VCPIP1: variants seen among roughly 807,000 people sequenced by gnomAD.
The protein encoded by VCPIP1 is deubiquitinating protein VCPIP1.
A neutral mutation model predicts 85.0 loss-of-function variants in VCPIP1; 8 were observed. The ratio of observed to expected loss-of-function variants is 0.09; its 90% CI spans 0.06 to 0.17. The LOEUF (loss-of-function observed/expected upper bound fraction) is 0.17, where lower values mean the gene tolerates loss of function less well. Ranked by LOEUF, VCPIP1 falls within the 10% of genes least tolerant of loss-of-function variation. The pLI, the probability that VCPIP1 is intolerant of heterozygous loss-of-function variation, is 1.00. For missense variants in VCPIP1, 1,070 were observed against 1,486.3 expected (o/e 0.72, Z 4.61); for synonymous variants, 543 against 544.5 (o/e 1.00, Z 0.04).
chr8:66,664,978 C>T lies in VCPIP1; in HGVS notation c.1981G>A (p.Asp661Asn), dbSNP rs182445396. 1.9e-5 allele frequency: 31 copies of T among 1,613,428 alleles called. No homozygotes were observed. In the East Asian group the frequency reaches 6.0e-4, roughly 31 times the overall value. ...TCTATATTTACAGGAGTATAATCAT[C>T]GGGATTCTTTTTGGCAGTCTGATGC... ...ILHQTAKKNP[D>N]DYTPVNIDGA... The change falls in exon 1 of 3, where the codon GAT (aspartate) becomes AAT (asparagine). Residue 661 changes from aspartate (D) to asparagine (N), a missense_variant. Physicochemically the swap from Asp to Asn is conservative, Grantham distance 23. Coordinates refer to ENST00000310421, the MANE Select transcript of VCPIP1 (RefSeq NM_025054.5).
chr8:66,660,498 C>A (rs546478849), intron 1 of VCPIP1, among the ~76,000 whole-genome samples: 2 of 152,164 alleles, frequency 1.3e-5, no homozygotes, highest in African/African-American at 2.4e-5. Flanking sequence ...TAAACTTAAA[C>A]GAGAAAGAAC....
At position 66,651,100 on chromosome 8, in the gene VCPIP1, G is replaced by A. The variant is rs556371886; in HGVS notation, c.2797+358C>T. Among the ~76,000 whole-genome samples, 4 of 149,164 alleles carry A rather than the reference G, an allele frequency of 2.7e-5. No individual in the cohort carries two copies. The East Asian group carries it at 7.9e-4, about 30-fold the overall frequency. On this transcript the variant is annotated intron_variant, in intron 2 of 2. Transcript: ENST00000310421. ...CTCGAGAAGCTGAGGCAGGAGAATC[G>A]CTTGAACCCAGGAGGCAGAGGTTGC...
Position 66,634,844 on chromosome 8 carries a change from A to C in VCPIP1, c.3326T>G (p.Leu1109Trp), listed in dbSNP as rs1187638095. The C allele has an allele frequency of 6.2e-7, 1 of 1,614,154 alleles. No individual in the cohort carries two copies. Among genetic ancestry groups the C allele is most frequent in the South Asian group, 1.1e-5 (1 of 91,078 alleles). Residue 1109 changes from leucine to tryptophan, a missense_variant, in exon 3 of 3, where the codon TTG becomes TGG. By Grantham distance (61) the Leu-to-Trp change is moderately conservative (BLOSUM62 -2). This residue lies in a region of VCPIP1 where 255 missense variants were observed against 289.5 expected (regional missense o/e 0.88). Transcript: ENST00000310421. ...PDLVEAQRKKLQEMVSSIQAS... is the reference protein window; with the variant it reads ...PDLVEAQRKKWQEMVSSIQAS... ...CTGAATAGAAGAAACCATTTCCTGC[A>C]ATTTTTTTCGCTGGGCCTCAACCAA...
chr8:66,659,199 ATT>A (rs34749864), intron 1 of VCPIP1, among the ~76,000 whole-genome samples: 15 of 144,890 alleles, frequency 1.0e-4, no homozygotes, highest in African/African-American at 2.3e-4. Flanking sequence ...TCTACAAGAA[ATT>A]TTTTTTTTTT....
intron 1 of VCPIP1, 26 bp downstream of exon 1, chr8:66,664,223 T>A: frequency 1.3e-6 from 2 of 1,520,662 alleles, no homozygotes; most frequent in Non-Finnish European, 1.8e-6. Context: ...AATTAAGATA[T>A]ACCATCAGAA....
chr8:66,652,373 G>C (rs1328849472), intron 1 of VCPIP1, among the ~76,000 whole-genome samples: 1 of 152,116 alleles, frequency 6.6e-6, no homozygotes, highest in Non-Finnish European at 1.5e-5. Context: ...CAGCACTTTG[G>C]GAGGCCCAGG....
chr8:66,658,999 A>C (rs1811127831), intron 1 of VCPIP1, among the ~76,000 whole-genome samples: 1 of 152,184 alleles, frequency 6.6e-6, no homozygotes, highest in Non-Finnish European at 1.5e-5. Context: ...ATTTCATTTA[A>C]GTAACTCCAA....
intron 1 of VCPIP1, among the ~76,000 whole-genome samples, chr8:66,661,254 T>C (rs1364061017): frequency 6.6e-6 from 1 of 152,072 alleles, no homozygotes; most frequent in Admixed American, 6.5e-5. Context: ...TTTAAAGAAA[T>C]TTGTGGGTTT....
intron 2 of VCPIP1, among the ~76,000 whole-genome samples, chr8:66,644,577 C>A (rs1057307163): frequency 1.3e-5 from 2 of 152,144 alleles, no homozygotes; most frequent in South Asian, 2.1e-4. Context: ...GAAAAACCTG[C>A]AAGCTGAATG....
At chr8:66,641,070 G>A (rs1359708456) in intron 2 of VCPIP1, among the ~76,000 whole-genome samples, 4 of 152,154 alleles carry the variant, frequency 2.6e-5, no homozygotes, top group South Asian at 2.1e-4. Flanking sequence ...CTGCAGGGCC[G>A]CACAGAGTTC....
At chr8:66,640,519 C>T (rs571804580) in intron 2 of VCPIP1, among the ~76,000 whole-genome samples, 9 of 152,316 alleles carry the variant, frequency 5.9e-5, no homozygotes, top group East Asian at 1.9e-4. Flanking sequence ...AGCCTGGACC[C>T]GCGGCCCAAA....
intron 1 of VCPIP1, among the ~76,000 whole-genome samples, chr8:66,653,921 T>G (rs1811075657): frequency 6.6e-6 from 1 of 152,196 alleles, no homozygotes; most frequent in Non-Finnish European, 1.5e-5. Flanking sequence ...AACAAATTTT[T>G]ACCCCCTTCA....
Position 66,634,282 on chromosome 8 carries a change from A to C in VCPIP1, c.*219T>G. 2.4e-6 allele frequency: 1 copy of C among 425,038 alleles called. No individual in the cohort carries two copies. 26.3% of individuals were successfully genotyped at this position (425,038 alleles called of 1,614,324 possible). A position where few individuals can be genotyped will look rare whatever the true frequency, so the allele number is the denominator to read the frequency against. Reference sequence around the variant, plus strand: ...ATATGGAAGAAAGTCATCTCAGCAGATCTAACAGCTAATTTATAGAAATTC... The same window carrying C: ...ATATGGAAGAAAGTCATCTCAGCAGCTCTAACAGCTAATTTATAGAAATTC... On this transcript the variant is annotated 3_prime_UTR_variant, in exon 3 of 3. Transcript: ENST00000310421.
In VCPIP1 at chr8:66,630,534, CTAAG is replaced by C. The variant is rs1233776567; in HGVS notation, c.*3963_*3966del. The C allele has an allele frequency of 6.6e-6, 1 of 152,526 alleles. No individual in the cohort carries two copies. The highest frequency in any genetic ancestry group is 1.5e-5 in the Non-Finnish European group (1 of 68,016). 9.4% of individuals were successfully genotyped at this position (152,526 alleles called of 1,614,324 possible). The stretch of plus-strand genomic sequence containing the variant: ...AGGCAATACCTTAAAAATTTAAAAA[CTAAG>C]TAATTGATACTCACAAGCAGGTAAC... On this transcript the variant is annotated 3_prime_UTR_variant, in exon 3 of 3. Coordinates refer to ENST00000310421, the MANE Select transcript of VCPIP1 (RefSeq NM_025054.5).
chr8:66,659,440 A>T (rs1279780005), intron 1 of VCPIP1, among the ~76,000 whole-genome samples: 2 of 152,136 alleles, frequency 1.3e-5, no homozygotes, highest in Non-Finnish European at 2.9e-5. Context: ...TTATGGGTAA[A>T]ATATTGTTAT....
chr8:66,658,734 G>A (rs1054747255), intron 1 of VCPIP1, among the ~76,000 whole-genome samples: 9 of 151,962 alleles, frequency 5.9e-5, no homozygotes, highest in African/African-American at 1.7e-4. Context: ...TGATCCACCC[G>A]CCTCAGCCTC....
intron 2 of VCPIP1, among the ~76,000 whole-genome samples, chr8:66,649,763 G>T (rs997030418): frequency 6.6e-6 from 1 of 152,086 alleles, no homozygotes; most frequent in South Asian, 2.1e-4. Context: ...TTTTTATTAC[G>T]GTGGTGGTGT....
intron 2 of VCPIP1, among the ~76,000 whole-genome samples, chr8:66,648,361 A>G (rs1053404678): frequency 6.6e-6 from 1 of 152,166 alleles, no homozygotes; most frequent in Non-Finnish European, 1.5e-5. Context: ...ACATGTAATC[A>G]TGAGTGTGGC....
chr8:66,659,822 C>T (rs1024214511), intron 1 of VCPIP1, among the ~76,000 whole-genome samples: 20 of 151,924 alleles, frequency 1.3e-4, no homozygotes, highest in Admixed American at 1.3e-3. Flanking sequence ...GTCCCAGCTA[C>T]TTGAGAGGTT....
Sources: allele counts gnomAD v4.1 joint callset (sites outside exome capture counted in the v4.1 genomes callset), GRCh38; gene constraint gnomAD v4.1.1; regional missense constraint gnomAD v4.1.1; transcripts MANE v1.5; gene names NCBI Gene and HGNC (gene_info 2026-07-23, HGNC 2026-07-21).